C1QTNF3: variants seen among roughly 807,000 people sequenced by gnomAD.
The protein encoded by C1QTNF3 is C1q and TNF related 3, also known as complement C1q tumor necrosis factor-related protein 3.
Under a neutral mutation model 32.6 loss-of-function variants are expected in C1QTNF3, and 26 were observed. The observed-to-expected ratio is 0.80, with a 90% CI of 0.58 to 1.11. The LOEUF is 1.11. Among genes scored for constraint, C1QTNF3 ranks in the 50% least tolerant of loss-of-function variants. The probability of loss-of-function intolerance (pLI) is 0.00; values close to 1 mark genes in which losing one functional copy is unlikely to be tolerated. For missense variants in C1QTNF3, 362 were observed against 398.2 expected (o/e 0.91, Z 0.77); for synonymous variants, 155 against 146.0 (o/e 1.06, Z -0.44).
chr5:34,035,273 C>T (rs373127653), intron 2 of C1QTNF3, among the ~76,000 whole-genome samples: 8 of 152,128 alleles, frequency 5.3e-5, no homozygotes, highest in Admixed American at 3.3e-4. Context: ...AACTGAGAGA[C>T]GGCTGAACAT....
the C1QTNF3 span, among the ~76,000 whole-genome samples, chr5:34,242,140 TC>T: frequency 6.6e-6 from 1 of 152,206 alleles, no homozygotes; most frequent in Non-Finnish European, 1.5e-5. Flanking sequence ...CCAATATCTT[TC>T]TTCACAGAAT....
chr5:34,053,852 T>G, the C1QTNF3 span, among the ~76,000 whole-genome samples: 1 of 152,142 alleles, frequency 6.6e-6, no homozygotes, highest in South Asian at 2.1e-4. Flanking sequence ...GGTGACATAT[T>G]GTGTATCTAG....
chr5:34,111,849 C>G, the C1QTNF3 span, among the ~76,000 whole-genome samples: 5 of 152,124 alleles, frequency 3.3e-5, no homozygotes, highest in African/African-American at 1.2e-4. Context: ...TGGGCAATTA[C>G]ATTTAATAAG....
the C1QTNF3 span, among the ~76,000 whole-genome samples, chr5:34,056,282 A>C: frequency 6.6e-6 from 1 of 151,852 alleles, no homozygotes; most frequent in Non-Finnish European, 1.5e-5. Flanking sequence ...CTGGATGTTC[A>C]TCATGGTACA....
In C1QTNF3 at chr5:34,020,481, G is replaced by A. The variant is rs1339427297; in HGVS notation, c.*102C>T. 3 of 1,369,314 alleles carry A rather than the reference G, an allele frequency of 2.2e-6. No individual in the cohort carries two copies. Among genetic ancestry groups the A allele is most frequent in the Non-Finnish European group, 3.0e-6 (3 of 996,208 alleles). The allele number at this position is 1,369,314 out of a possible 1,614,324, so 84.8% of individuals were successfully genotyped here. A position where few individuals can be genotyped will look rare whatever the true frequency, so the allele number is the denominator to read the frequency against. On this transcript the variant is annotated 3_prime_UTR_variant, in exon 6 of 6. Coordinates refer to ENST00000382065, the MANE Select transcript of C1QTNF3 (RefSeq NM_181435.6). ...ACAACATTGCAACCAATAATTTTTT[G>A]AATACAGCAATGTAAAACCCTCAAC...
the C1QTNF3 span, among the ~76,000 whole-genome samples, chr5:34,139,747 C>G: frequency 6.6e-6 from 1 of 152,076 alleles, no homozygotes; most frequent in Non-Finnish European, 1.5e-5. Context: ...CTAGGAGATC[C>G]TAGGCACCCA....
the C1QTNF3 span, among the ~76,000 whole-genome samples, chr5:34,172,299 T>C: frequency 3.9e-5 from 6 of 152,196 alleles, no homozygotes; most frequent in African/African-American, 1.4e-4. Context: ...ACATTTATAA[T>C]GTACTGTAAT....
At chr5:34,236,495 G>A in the C1QTNF3 span, among the ~76,000 whole-genome samples, 1 of 148,264 alleles carries the variant, frequency 6.7e-6, no homozygotes, top group East Asian at 2.0e-4. Context: ...TTAAATTTTT[G>A]GATTAAAAAA....
At chr5:34,147,481 C>A in the C1QTNF3 span, among the ~76,000 whole-genome samples, 1 of 151,966 alleles carries the variant, frequency 6.6e-6, no homozygotes, top group African/African-American at 2.4e-5. Context: ...ACTACAGAGC[C>A]ATAGAAAAAA....
chr5:34,102,428 T>C, the C1QTNF3 span, among the ~76,000 whole-genome samples: 4 of 152,074 alleles, frequency 2.6e-5, no homozygotes, highest in Non-Finnish European at 5.9e-5. Flanking sequence ...AGCAAAAAAA[T>C]AGTATTTCAT....
the C1QTNF3 span, chr5:34,175,880 G>T: frequency 1.2e-6 from 1 of 801,664 alleles, no homozygotes; most frequent in South Asian, 1.4e-5. Context: ...CGTATTTTCT[G>T]CGTTTTTGAT....
the C1QTNF3 span, among the ~76,000 whole-genome samples, chr5:34,176,772 G>T: frequency 1.5e-4 from 23 of 152,026 alleles, no homozygotes; most frequent in Non-Finnish European, 2.8e-4. Context: ...TGGGAGGACT[G>T]CTTCAGTCCC....
At chr5:34,087,996 C>A in the C1QTNF3 span, among the ~76,000 whole-genome samples, 1 of 152,224 alleles carries the variant, frequency 6.6e-6, no homozygotes, top group Non-Finnish European at 1.5e-5. Flanking sequence ...GCCCATCCGG[C>A]CTTATCTCAC....
At chr5:34,117,492 C>T in the C1QTNF3 span, among the ~76,000 whole-genome samples, 1 of 151,972 alleles carries the variant, frequency 6.6e-6, no homozygotes, top group Non-Finnish European at 1.5e-5. Context: ...CTCTTCATTT[C>T]TCTCTGGAGA....
At chr5:34,040,887 T>A (rs369163559) in intron 1 of C1QTNF3, among the ~76,000 whole-genome samples, 14 of 152,144 alleles carry the variant, frequency 9.2e-5, no homozygotes, top group Admixed American at 5.2e-4. Context: ...TCAAAAACTA[T>A]CAGTACTTTG....
the C1QTNF3 span, among the ~76,000 whole-genome samples, chr5:34,126,753 T>C: frequency 5.9e-5 from 9 of 151,762 alleles, no homozygotes; most frequent in African/African-American, 1.9e-4. Context: ...TGGAATATTA[T>C]TCAGCATTAA....
chr5:34,058,615 C>T, the C1QTNF3 span, among the ~76,000 whole-genome samples: 2 of 152,094 alleles, frequency 1.3e-5, no homozygotes, highest in African/African-American at 4.8e-5. Flanking sequence ...GCTCTCAGAG[C>T]AGACTGGAGC....
At chr5:34,100,188 C>T in the C1QTNF3 span, among the ~76,000 whole-genome samples, 1 of 152,132 alleles carries the variant, frequency 6.6e-6, no homozygotes, top group South Asian at 2.1e-4. Context: ...AACATTGTAT[C>T]TTCATGTGGT....
At chr5:34,233,876 G>A in the C1QTNF3 span, among the ~76,000 whole-genome samples, 5 of 152,128 alleles carry the variant, frequency 3.3e-5, no homozygotes, top group African/African-American at 1.2e-4. Context: ...TTACTTTATT[G>A]AGCTAAACAA....
Sources: allele counts gnomAD v4.1 joint callset (sites outside exome capture counted in the v4.1 genomes callset), GRCh38; gene constraint gnomAD v4.1.1; transcripts MANE v1.5; gene names NCBI Gene and HGNC (gene_info 2026-07-23, HGNC 2026-07-21).